The following MGAT4C variants were observed in gnomAD, a reference collection of about 807,000 sequenced individuals.
The protein encoded by MGAT4C is alpha-1,3-mannosyl-glycoprotein 4-beta-N-acetylglucosaminyltransferase C.
In MGAT4C, 19 loss-of-function variants were observed where a neutral mutation model predicts 40.1. The ratio of observed to expected loss-of-function variants is 0.47; its 90% CI spans 0.33 to 0.70. MGAT4C has a LOEUF of 0.70. Among genes scored for constraint, MGAT4C ranks in the 30% least tolerant of loss-of-function variants. The probability of loss-of-function intolerance (pLI) is 0.02; values close to 1 mark genes in which losing one functional copy is unlikely to be tolerated. For synonymous variants in MGAT4C, 181 were observed against 187.1 expected (o/e 0.97, Z 0.27); for missense variants, 491 against 563.2 (o/e 0.87, Z 1.30).
At chr12:86,142,082 A>C (rs1882910240) in intron 1 of MGAT4C, among the ~76,000 whole-genome samples, 1 of 152,164 alleles carries the variant, frequency 6.6e-6, no homozygotes, top group Non-Finnish European at 1.5e-5. Flanking sequence ...CCCTGGCTTT[A>C]GTCAGTCCTA....
chr12:86,017,099 G>C (rs1223991890), intron 2 of MGAT4C, among the ~76,000 whole-genome samples: 2 of 151,586 alleles, frequency 1.3e-5, no homozygotes, highest in East Asian at 3.9e-4. Flanking sequence ...ATTTCACCTT[G>C]GATTCTGATC....
intron 2 of MGAT4C, among the ~76,000 whole-genome samples, chr12:85,989,802 A>G (rs1042561286): frequency 6.6e-6 from 1 of 152,124 alleles, no homozygotes; most frequent in Non-Finnish European, 1.5e-5. Context: ...ACTGACGAAA[A>G]AAGATGAACT....
At chr12:86,661,918 C>A (rs530627633) in intron 2 of MGAT4C, among the ~76,000 whole-genome samples, 2 of 152,068 alleles carry the variant, frequency 1.3e-5, no homozygotes, top group African/African-American at 4.8e-5. Context: ...GCCAGGGCAA[C>A]AGAGGAAGAC....
Position 86,086,955 on chromosome 12 carries a change from A to G in MGAT4C, c.-56-37232T>C, listed in dbSNP as rs754115565. Among the ~76,000 whole-genome samples, 3 of 152,008 alleles carry G rather than the reference A, an allele frequency of 2.0e-5. No homozygotes were observed. In the East Asian group the frequency reaches 5.8e-4, roughly 29 times the overall value. On this transcript the variant is annotated intron_variant, in intron 1 of 4. Coordinates refer to ENST00000611864, the MANE Select transcript of MGAT4C (RefSeq NM_001351288.2). ...TCCTATGCCTGGTTTGATTCACTTT[A>G]CATAAGGTCCTCCAGTTTCATCCAT...
intron 1 of MGAT4C, among the ~76,000 whole-genome samples, chr12:86,157,189 T>G (rs570437043): frequency 6.6e-6 from 1 of 152,304 alleles, no homozygotes; most frequent in African/African-American, 2.4e-5. Context: ...ATAATTTTTT[T>G]TAACGGAAAG....
intron 3 of MGAT4C, among the ~76,000 whole-genome samples, chr12:86,369,035 T>G (rs1955666784): frequency 6.6e-6 from 1 of 152,038 alleles, no homozygotes; most frequent in South Asian, 2.1e-4. Flanking sequence ...CTTTATCTAT[T>G]GAGATACTTT....
intron 2 of MGAT4C, among the ~76,000 whole-genome samples, chr12:86,681,268 T>G (rs7301884): frequency 0.02 from 3,061 of 152,024 alleles, 49 homozygotes; most frequent in South Asian, 0.054. Flanking sequence ...TGAGGTGATT[T>G]TTAAAAATAC....
chr12:86,701,524 C>A (rs561517700), intron 2 of MGAT4C, among the ~76,000 whole-genome samples: 18 of 152,158 alleles, frequency 1.2e-4, no homozygotes, highest in African/African-American at 4.3e-4. Flanking sequence ...TCTCACTGCT[C>A]CATCAACCAG....
rs770361266 is a variant in MGAT4C, at chr12:85,978,508, A to G, written c.*781T>C. On this transcript the variant is annotated 3_prime_UTR_variant, in exon 5 of 5. Coordinates refer to ENST00000611864, the MANE Select transcript of MGAT4C (RefSeq NM_001351288.2). ...TGTCTGTACGAATGAGCTAACTACT[A>G]TAGGCCTTCCCTAATTTATTCTATT... 6.6e-6 allele frequency: 1 copy of G among 151,982 alleles called. No homozygotes were observed. Among genetic ancestry groups the G allele is most frequent in the Non-Finnish European group, 1.5e-5 (1 of 67,606 alleles). 9.4% of individuals were successfully genotyped at this position (151,982 alleles called of 1,614,324 possible). A position where few individuals can be genotyped will look rare whatever the true frequency, so the allele number is the denominator to read the frequency against.
At chr12:86,584,872 T>C (rs1960942837) in intron 2 of MGAT4C, among the ~76,000 whole-genome samples, 1 of 147,146 alleles carries the variant, frequency 6.8e-6, no homozygotes, top group African/African-American at 2.5e-5. Context: ...TTTTCATTGA[T>C]AGTCATTTGC....
chr12:86,665,463 G>A (rs1018997191), intron 2 of MGAT4C, among the ~76,000 whole-genome samples: 9 of 151,544 alleles, frequency 5.9e-5, no homozygotes, highest in African/African-American at 1.2e-4. Context: ...TGCAAGTTCC[G>A]CTTCCTGGGT....
Position 85,972,228 on chromosome 12 carries a change from T to G in MGAT4C, c.*7061A>C, listed in dbSNP as rs1461547258. 6.6e-6 allele frequency: 1 copy of G among 151,156 alleles called. No homozygotes were observed. Among genetic ancestry groups the G allele is most frequent in the Non-Finnish European group, 1.5e-5 (1 of 67,298 alleles). 9.4% of individuals were successfully genotyped at this position (151,156 alleles called of 1,614,324 possible). A position where few individuals can be genotyped will look rare whatever the true frequency, so the allele number is the denominator to read the frequency against. Reference sequence around the variant, plus strand: ...ATGCAACAGAAAATGTGTCTAATTATGTTTGTTTTAGAGCTTAAGAAATGT... The same window carrying G: ...ATGCAACAGAAAATGTGTCTAATTAGGTTTGTTTTAGAGCTTAAGAAATGT... On this transcript the variant is annotated 3_prime_UTR_variant, in exon 5 of 5. Coordinates refer to ENST00000611864, the MANE Select transcript of MGAT4C (RefSeq NM_001351288.2).
intron 2 of MGAT4C, among the ~76,000 whole-genome samples, chr12:86,580,862 G>C (rs906379489): frequency 6.6e-6 from 1 of 151,362 alleles, no homozygotes; most frequent in Non-Finnish European, 1.5e-5. Flanking sequence ...GCAAAAAAGG[G>C]TAATATTTAT....
At chr12:86,299,443 A>G (rs1295642245) in intron 4 of MGAT4C, among the ~76,000 whole-genome samples, 3 of 152,160 alleles carry the variant, frequency 2.0e-5, no homozygotes, top group African/African-American at 7.2e-5. Context: ...CTACCTGAAA[A>G]TGTCTCTTTT....
At chr12:86,193,332 C>T (rs1889734637) in intron 1 of MGAT4C, among the ~76,000 whole-genome samples, 1 of 151,780 alleles carries the variant, frequency 6.6e-6, no homozygotes, top group South Asian at 2.1e-4. Context: ...GTACATTTTT[C>T]ACTTTAAACA....
chr12:86,334,784 A>G (rs1161947500), intron 3 of MGAT4C, among the ~76,000 whole-genome samples: 1 of 152,096 alleles, frequency 6.6e-6, no homozygotes, highest in East Asian at 1.9e-4. Flanking sequence ...TTTCTGGTCT[A>G]TTTAGCTACT....
chr12:86,744,286 A>G (rs1951117891), intron 1 of MGAT4C, among the ~76,000 whole-genome samples: 1 of 151,288 alleles, frequency 6.6e-6, no homozygotes, highest in African/African-American at 2.4e-5. Flanking sequence ...CATTACCCAG[A>G]CTCAATAGGT....
At chr12:86,535,777 G>T (rs1025913564) in intron 2 of MGAT4C, among the ~76,000 whole-genome samples, 5 of 152,008 alleles carry the variant, frequency 3.3e-5, no homozygotes, top group African/African-American at 4.8e-5. Flanking sequence ...TTTGGAGTTT[G>T]GGATTATCAC....
intron 2 of MGAT4C, among the ~76,000 whole-genome samples, chr12:85,997,525 G>A (rs1374149599): frequency 6.6e-6 from 1 of 152,122 alleles, no homozygotes; most frequent in African/African-American, 2.4e-5. Flanking sequence ...TAAAATCAAA[G>A]CAAGCTAGTT....
Sources: allele counts gnomAD v4.1 joint callset (sites outside exome capture counted in the v4.1 genomes callset), GRCh38; gene constraint gnomAD v4.1.1; transcripts MANE v1.5; gene names NCBI Gene and HGNC (gene_info 2026-07-23, HGNC 2026-07-21).